Variants in MOXD1 observed in about 807,000 individuals in gnomAD.
MOXD1 encodes the protein monooxygenase DBH like 1.
A neutral mutation model predicts 66.6 loss-of-function variants in MOXD1; 62 were observed. The observed-to-expected ratio is 0.93, with a 90% confidence interval of 0.76 to 1.15. MOXD1 has a LOEUF of 1.15. Ranked by LOEUF, MOXD1 falls within the 50% of genes most tolerant of loss-of-function variation. The pLI is 0.00. For missense variants in MOXD1, 847 were observed against 754.6 expected (o/e 1.12, Z -1.44); for synonymous variants, 303 against 281.9 (o/e 1.07, Z -0.75).
At chr6:132,359,695 C>T (rs948017874) in intron 4 of MOXD1, among the ~76,000 whole-genome samples, 1 of 151,632 alleles carries the variant, frequency 6.6e-6, no homozygotes. Flanking sequence ...ACTGTGTTAG[C>T]CAGGATGGTC....
chr6:132,383,386 T>C, intron 1 of MOXD1, among the ~76,000 whole-genome samples: 1 of 152,164 alleles, frequency 6.6e-6, no homozygotes, highest in East Asian at 1.9e-4. Flanking sequence ...GCACTTACCT[T>C]TTAGAAACCA....
chr6:132,310,979 T>G lies in MOXD1; in HGVS notation c.1508+4656A>C, dbSNP rs947746177. Among the ~76,000 whole-genome samples, 6 of 151,942 alleles carry G rather than the reference T, an allele frequency of 3.9e-5. No homozygotes were observed. In the East Asian group the frequency reaches 1.2e-3, roughly 29 times the overall value. On this transcript the variant is annotated intron_variant, in intron 10 of 11. Coordinates refer to ENST00000367963, the MANE Select transcript of MOXD1 (RefSeq NM_015529.4). ...TCCCGTTTTTTGTTTGTTTGTTTGT[T>G]TAGAATAAATAAATAAATAAAAACA...
Position 132,372,842 on chromosome 6 carries a change from C to T in MOXD1, c.567G>A (p.Leu189=). Residue 189 remains leucine (L), a synonymous_variant, in exon 3 of 12, where the codon CTG becomes CTA. Coordinates refer to ENST00000367963, the MANE Select transcript of MOXD1 (RefSeq NM_015529.4). Reference sequence around the variant, plus strand: ...TGAAAACACTTACGTCCTGATTTACCAGATCAAAGTATGGTAAGGCTGTAG... The same window carrying T: ...TGAAAACACTTACGTCCTGATTTACTAGATCAAAGTATGGTAAGGCTGTAG... ...VLSTALPYFD[L]VNQDVPIPNK... is the part of the protein sequence containing the mutation. 1 of 1,613,820 alleles carries T rather than the reference C, an allele frequency of 6.2e-7. No individual in the cohort carries two copies. The highest frequency in any genetic ancestry group is 8.5e-7 in the Non-Finnish European group (1 of 1,179,814).
chr6:132,319,025 T>C (rs1335127335), intron 9 of MOXD1, among the ~76,000 whole-genome samples: 1 of 152,002 alleles, frequency 6.6e-6, no homozygotes, highest in Non-Finnish European at 1.5e-5. Context: ...GTCTTCTAAC[T>C]TGGGACTCAA....
chr6:132,365,394 T>C (rs1776099319), intron 4 of MOXD1, among the ~76,000 whole-genome samples: 1 of 152,120 alleles, frequency 6.6e-6, no homozygotes, highest in Non-Finnish European at 1.5e-5. Context: ...GCCCTGTGAC[T>C]GAAAAGCATG....
chr6:132,347,505 C>T (rs369567377), intron 4 of MOXD1, among the ~76,000 whole-genome samples: 6 of 151,910 alleles, frequency 3.9e-5, no homozygotes, highest in African/African-American at 9.7e-5. Context: ...AGTGAAACCC[C>T]ATCTCTACCA....
intron 10 of MOXD1, among the ~76,000 whole-genome samples, chr6:132,313,341 A>G (rs1362897160): frequency 6.6e-6 from 1 of 152,218 alleles, no homozygotes; most frequent in Non-Finnish European, 1.5e-5. Flanking sequence ...TACTTAGTAA[A>G]CTATAAACCA....
intron 1 of MOXD1, among the ~76,000 whole-genome samples, chr6:132,389,228 A>G (rs1776708490): frequency 6.6e-6 from 1 of 151,314 alleles, no homozygotes; most frequent in African/African-American, 2.4e-5. Context: ...TAGAGAAAAT[A>G]CTTACTCATT....
intron 1 of MOXD1, among the ~76,000 whole-genome samples, chr6:132,398,037 C>T (rs1425995169): frequency 1.3e-5 from 2 of 152,204 alleles, no homozygotes; most frequent in Non-Finnish European, 2.9e-5. Context: ...TTCTATTCCT[C>T]CACACCTTCC....
At chr6:132,322,236 C>A (rs1247371452) in intron 8 of MOXD1, among the ~76,000 whole-genome samples, 3 of 152,172 alleles carry the variant, frequency 2.0e-5, no homozygotes, top group Admixed American at 2.0e-4. Flanking sequence ...ATTCACATAG[C>A]TTTATCAGAT....
chr6:132,361,792 T>A (rs1776023075), intron 4 of MOXD1, among the ~76,000 whole-genome samples: 1 of 152,154 alleles, frequency 6.6e-6, no homozygotes, highest in South Asian at 2.1e-4. Flanking sequence ...GATATGTTAG[T>A]GTAGTATTTT....
chr6:132,397,694 G>GAAAAGA (rs71767098), intron 1 of MOXD1, among the ~76,000 whole-genome samples: 1 of 117,508 alleles, frequency 8.5e-6, no homozygotes, highest in Non-Finnish European at 1.9e-5. Flanking sequence ...AAGAAAGAAA[G>GAAAAGA]AAAGAAAAAG....
chr6:132,360,001 T>A (rs1321341622), intron 4 of MOXD1, among the ~76,000 whole-genome samples: 1 of 152,232 alleles, frequency 6.6e-6, no homozygotes, highest in Non-Finnish European at 1.5e-5. Context: ...TCTAATTTGA[T>A]GTATTAGACT....
chr6:132,386,380 C>T (rs1405686492), intron 1 of MOXD1, among the ~76,000 whole-genome samples: 1 of 144,626 alleles, frequency 6.9e-6, no homozygotes, highest in Non-Finnish European at 1.5e-5. Context: ...TCAGCCTGGG[C>T]GACAGAGCGA....
At chr6:132,313,783 C>T (rs1326109228) in intron 10 of MOXD1, among the ~76,000 whole-genome samples, 7 of 151,908 alleles carry the variant, frequency 4.6e-5, no homozygotes, top group African/African-American at 7.3e-5. Context: ...GGCGTGGTGG[C>T]GAGCGCCTGT....
At chr6:132,361,159 T>C (rs1166427194) in intron 4 of MOXD1, among the ~76,000 whole-genome samples, 3 of 152,210 alleles carry the variant, frequency 2.0e-5, no homozygotes, top group Non-Finnish European at 4.4e-5. Context: ...CATTACATTA[T>C]AAACATGAAT....
At chr6:132,378,463 A>C (rs1216111769) in intron 1 of MOXD1, among the ~76,000 whole-genome samples, 1 of 152,204 alleles carries the variant, frequency 6.6e-6, no homozygotes, top group Non-Finnish European at 1.5e-5. Context: ...TATCCTAAAA[A>C]ATATCTACTT....
intron 4 of MOXD1, among the ~76,000 whole-genome samples, chr6:132,356,972 A>C (rs1730592754): frequency 6.6e-6 from 1 of 152,060 alleles, no homozygotes. Flanking sequence ...ACTTATTATG[A>C]GAAGTATATA....
At chr6:132,298,025 T>C in intron 10 of MOXD1, 70 bp from the exon 11 acceptor site, 3 of 1,351,198 alleles carry the variant, frequency 2.2e-6, no homozygotes, top group Non-Finnish European at 3.0e-6. Flanking sequence ...CTTTTCAGCA[T>C]CCTAAAATAG....
Sources: allele counts gnomAD v4.1 joint callset (sites outside exome capture counted in the v4.1 genomes callset), GRCh38; gene constraint gnomAD v4.1.1; transcripts MANE v1.5; gene names NCBI Gene and HGNC (gene_info 2026-07-23, HGNC 2026-07-21).